Variants in WDR17 observed in about 807,000 individuals in gnomAD.
WDR17 encodes the protein WD repeat domain 17, also known as WD repeat-containing protein 17.
A neutral mutation model predicts 161.7 loss-of-function variants in WDR17; 143 were observed. The ratio of observed to expected loss-of-function variants is 0.88; its 90% CI spans 0.77 to 1.02. WDR17 has a LOEUF of 1.02. Among genes scored for constraint, WDR17 ranks in the 50% least tolerant of loss-of-function variants. The probability of loss-of-function intolerance (pLI) is 0.00; values close to 1 mark genes in which losing one functional copy is unlikely to be tolerated. For missense variants in WDR17, 1,469 were observed against 1,520.9 expected (o/e 0.97, Z 0.57); for synonymous variants, 517 against 515.6 (o/e 1.00, Z -0.04).
intron 18 of WDR17, among the ~76,000 whole-genome samples, chr4:176,156,779 A>G (rs546746608): frequency 6.6e-6 from 1 of 152,174 alleles, no homozygotes; most frequent in East Asian, 1.9e-4. Context: ...TGTTGTCAGC[A>G]AAGTTGGTTT....
At chr4:176,098,720 A>G (rs185231264) in intron 1 of WDR17, among the ~76,000 whole-genome samples, 17 of 152,152 alleles carry the variant, frequency 1.1e-4, no homozygotes, top group Admixed American at 2.6e-4. Flanking sequence ...TTGTTTGAAT[A>G]TGTAATTCAG....
chr4:176,120,567 A>G (rs1205010328), intron 4 of WDR17, among the ~76,000 whole-genome samples: 2 of 151,988 alleles, frequency 1.3e-5, no homozygotes, highest in African/African-American at 4.8e-5. Context: ...CATAAAAGAA[A>G]AATGATAACC....
chr4:176,181,458 C>T lies in WDR17; in HGVS notation c.*1879C>T, dbSNP rs1226889542. On this transcript the variant is annotated 3_prime_UTR_variant, in exon 29 of 29. Transcript: ENST00000508596. The stretch of plus-strand genomic sequence containing the variant: ...CTCCAGCCTGGGCGACAGAGCAAGA[C>T]CACCATCTCCAAAAATTATATATAT... The T allele has an allele frequency of 9.3e-6, 2 of 214,536 alleles. No individual in the cohort carries two copies. Among genetic ancestry groups the T allele is most frequent in the Non-Finnish European group, 9.1e-6 (1 of 109,518 alleles). 13.3% of individuals were successfully genotyped at this position (214,536 alleles called of 1,614,324 possible).
At chr4:176,128,580 G>A (rs13107453) in intron 5 of WDR17, among the ~76,000 whole-genome samples, 158 bp from the exon 6 acceptor site, 37,584 of 151,854 alleles carry the variant, frequency 0.25, 4,788 homozygotes, top group South Asian at 0.28. Context: ...ATAGTATTTC[G>A]GTTGTTAGGT....
chr4:176,119,798 G>T (rs913885544), intron 3 of WDR17, 69 bp from the exon 4 acceptor site: 47 of 1,320,226 alleles, frequency 3.6e-5, no homozygotes, highest in Non-Finnish European at 4.8e-5. Flanking sequence ...TGTAAACAGG[G>T]CAAGTAATAT....
At chr4:176,151,759 A>G in intron 16 of WDR17, 53 bp from the exon 17 acceptor site, 1 of 1,482,910 alleles carries the variant, frequency 6.7e-7, no homozygotes, top group Non-Finnish European at 9.0e-7. Flanking sequence ...TGTGACACAT[A>G]CAAAACAAAA....
chr4:176,106,028 AAGAT>A, intron 1 of WDR17, among the ~76,000 whole-genome samples: 1 of 152,080 alleles, frequency 6.6e-6, no homozygotes, highest in Non-Finnish European at 1.5e-5. Context: ...AAAACGTTAT[AAGAT>A]AGTAGTAGGA....
chr4:176,107,249 AC>A (rs1315592433), intron 1 of WDR17, among the ~76,000 whole-genome samples: 1 of 151,950 alleles, frequency 6.6e-6, no homozygotes, highest in Non-Finnish European at 1.5e-5. Flanking sequence ...ACACCATTTC[AC>A]ACCAATTAGA....
chr4:176,168,591 A>T (rs1750230167), intron 22 of WDR17, 81 bp from the exon 23 acceptor site: 1 of 1,528,636 alleles, frequency 6.5e-7, no homozygotes, highest in Admixed American at 1.8e-5. Context: ...TATTATATGA[A>T]TTGCCCTTCT....
intron 4 of WDR17, among the ~76,000 whole-genome samples, chr4:176,121,578 T>C (rs1487077657): frequency 6.6e-6 from 1 of 152,216 alleles, no homozygotes; most frequent in East Asian, 1.9e-4. Context: ...TTTTATTTTA[T>C]TCTAAATTGC....
intron 1 of WDR17, among the ~76,000 whole-genome samples, chr4:176,073,822 T>G (rs957886191): frequency 1.3e-4 from 20 of 152,176 alleles, no homozygotes; most frequent in Non-Finnish European, 2.6e-4. Context: ...TGGTATGTCA[T>G]TGTGGTTTTG....
Position 176,163,174 on chromosome 4 carries a change from T to C in WDR17, c.2871T>C (p.Ile957=). ...DNIELAMAYL[I]RGNELELAVC... is the part of the protein sequence containing the mutation. ...GCAAGCTTGCTATGGCATACCTGAT[T>C]CGCGGAAATGAACTGGAGTTGGCAG... The change falls in exon 22 of 29, where the codon ATT becomes ATC. Residue 957 remains isoleucine (I), a synonymous_variant. Coordinates refer to ENST00000508596, the MANE Select transcript of WDR17 (RefSeq NM_181265.4). 1 of 1,614,160 alleles carries C rather than the reference T, an allele frequency of 6.2e-7. No homozygotes were observed. The highest frequency in any genetic ancestry group is 8.5e-7 in the Non-Finnish European group (1 of 1,180,006).
At chr4:176,129,340 T>C (rs536898302) in intron 6 of WDR17, among the ~76,000 whole-genome samples, 2 of 152,212 alleles carry the variant, frequency 1.3e-5, no homozygotes, top group African/African-American at 2.4e-5. Context: ...TAGTAGTTAG[T>C]ATTATGGATC....
In WDR17 at chr4:176,120,093, T is replaced by C; in HGVS notation, c.534T>C (p.His178=). The change falls in exon 4 of 29, where the codon CAT becomes CAC. Residue 178 remains histidine (H), a synonymous_variant. Transcript: ENST00000508596. ...TTGATGGAAGTCTATCAATTTTTCA[T>C]CCAGGTAAGAATTTAATTAGCAAGG... The part of the protein sequence containing the change: ...GHIDGSLSIF[H]PGNKNQKHVL... 1.2e-6 allele frequency: 2 copies of C among 1,611,940 alleles called. No individual in the cohort carries two copies. The highest frequency in any genetic ancestry group is 1.7e-6 in the Non-Finnish European group (2 of 1,178,300).
At chr4:176,088,278 T>A (rs907350987) in intron 1 of WDR17, among the ~76,000 whole-genome samples, 1 of 152,196 alleles carries the variant, frequency 6.6e-6, no homozygotes, top group Non-Finnish European at 1.5e-5. Context: ...GTATATACTT[T>A]GTCACTAAAA....
intron 18 of WDR17, among the ~76,000 whole-genome samples, chr4:176,156,477 G>A (rs927430525): frequency 7.2e-5 from 11 of 152,040 alleles, no homozygotes; most frequent in African/African-American, 1.7e-4. Flanking sequence ...GCATAGGTTC[G>A]TAAAATACTA....
chr4:176,144,197 A>G (rs1162884681), intron 11 of WDR17, among the ~76,000 whole-genome samples: 1 of 152,178 alleles, frequency 6.6e-6, no homozygotes, highest in Non-Finnish European at 1.5e-5. Flanking sequence ...TTCAGCTTTC[A>G]GCTCAAAAAC....
intron 1 of WDR17, among the ~76,000 whole-genome samples, chr4:176,090,794 A>G (rs548985880): frequency 6.6e-6 from 1 of 152,306 alleles, no homozygotes; most frequent in Non-Finnish European, 1.5e-5. Flanking sequence ...ATATTTATTG[A>G]CAGCAAGCCC....
At position 176,137,542 on chromosome 4, in the gene WDR17, G is replaced by A. The variant is rs771458400; in HGVS notation, c.1290G>A (p.Gly430=). Reference sequence around the variant, plus strand: ...AAGGTGGTTTAAATTGTATTGCTGGGGGAACTTCCCGAAATGGTGCTTTTA... The same window carrying A: ...AAGGTGGTTTAAATTGTATTGCTGGAGGAACTTCCCGAAATGGTGCTTTTA... ...WAPGGLNCIA[G]GTSRNGAFIW... Residue 430 remains glycine, a synonymous_variant, in exon 9 of 29, where the codon GGG becomes GGA. Transcript: ENST00000508596. 1 of 1,601,664 alleles carries A rather than the reference G, an allele frequency of 6.2e-7. No homozygotes were observed. The highest frequency in any genetic ancestry group is 8.5e-7 in the Non-Finnish European group (1 of 1,172,196).
Sources: allele counts gnomAD v4.1 joint callset (sites outside exome capture counted in the v4.1 genomes callset), GRCh38; gene constraint gnomAD v4.1.1; transcripts MANE v1.5; gene names NCBI Gene and HGNC (gene_info 2026-07-23, HGNC 2026-07-21).